The following FNDC3A variants were observed in gnomAD, a reference collection of about 807,000 sequenced individuals.
The protein encoded by FNDC3A is fibronectin type III domain containing 3A.
A neutral mutation model predicts 148.9 loss-of-function variants in FNDC3A; 32 were observed. The observed-to-expected ratio is 0.21, with a 90% CI of 0.16 to 0.29. The LOEUF is 0.29. Among genes scored for constraint, FNDC3A ranks in the 10% least tolerant of loss-of-function variants. FNDC3A has a pLI of 1.00. For missense variants in FNDC3A, 1,191 were observed against 1,452.8 expected (o/e 0.82, Z 2.93); for synonymous variants, 472 against 473.6 (o/e 1.00, Z 0.04).
chr13:48,983,933 A>G (rs1394481043), intron 1 of FNDC3A, among the ~76,000 whole-genome samples: 3 of 152,202 alleles, frequency 2.0e-5, no homozygotes, highest in Admixed American at 1.3e-4. Flanking sequence ...TAGAGTTGAT[A>G]TGACTGCTTA....
At chr13:49,187,343 ATTTT>A in intron 16 of FNDC3A, 153 bp downstream of exon 16, 1 of 668,702 alleles carries the variant, frequency 1.5e-6, no homozygotes, top group Non-Finnish European at 2.3e-6. Context: ...GTTGTCCTGG[ATTTT>A]TTTTTTTTAA....
intron 8 of FNDC3A, among the ~76,000 whole-genome samples, chr13:49,154,950 A>G (rs1343610912): frequency 7.9e-5 from 7 of 88,242 alleles, no homozygotes; most frequent in Non-Finnish European, 1.1e-4. Flanking sequence ...TTGCATCAAT[A>G]TTCATCAAGG....
intron 2 of FNDC3A, among the ~76,000 whole-genome samples, chr13:49,028,340 A>G (rs945115089): frequency 6.6e-6 from 1 of 152,040 alleles, no homozygotes; most frequent in East Asian, 1.9e-4. Flanking sequence ...CCCTGAGCTC[A>G]AGTGATTCTC....
At chr13:49,179,487 GT>G (rs1440976328) in intron 14 of FNDC3A, among the ~76,000 whole-genome samples, 3 of 152,070 alleles carry the variant, frequency 2.0e-5, no homozygotes, top group Non-Finnish European at 2.9e-5. Context: ...TTCATCCATA[GT>G]TTTAACACCC....
At chr13:49,035,334 A>AGTG (rs1874417188) in intron 2 of FNDC3A, among the ~76,000 whole-genome samples, 3 of 152,052 alleles carry the variant, frequency 2.0e-5, no homozygotes, top group Admixed American at 6.5e-5. Flanking sequence ...CTGTATATAC[A>AGTG]TATATGCAGA....
chr13:49,027,697 CAAA>C (rs1451001607), intron 2 of FNDC3A, among the ~76,000 whole-genome samples: 1 of 151,224 alleles, frequency 6.6e-6, no homozygotes, highest in African/African-American at 2.4e-5. Flanking sequence ...AAAAATAACT[CAAA>C]AGAATATTGT....
chr13:49,140,202 G>A (rs968249034), intron 7 of FNDC3A, among the ~76,000 whole-genome samples: 3 of 152,158 alleles, frequency 2.0e-5, no homozygotes, highest in Non-Finnish European at 2.9e-5. Flanking sequence ...AGACCAAGGG[G>A]GCACACACCT....
intron 1 of FNDC3A, among the ~76,000 whole-genome samples, chr13:48,991,518 C>T (rs1027051977): frequency 6.6e-6 from 1 of 151,716 alleles, no homozygotes; most frequent in East Asian, 1.9e-4. Context: ...GAAACTACGT[C>T]TCTACAAAAA....
At chr13:49,159,262 T>C (rs1883931278) in intron 8 of FNDC3A, among the ~76,000 whole-genome samples, 1 of 152,228 alleles carries the variant, frequency 6.6e-6, no homozygotes, top group East Asian at 1.9e-4. Flanking sequence ...GCATGGAATG[T>C]TCTTCCATTT....
Position 49,046,967 on chromosome 13 carries a change from A to G in FNDC3A, c.100-28322A>G, listed in dbSNP as rs1473590424. 2.0e-5 allele frequency among the ~76,000 whole-genome samples: 3 copies of G among 152,052 alleles called. No individual in the cohort carries two copies. The East Asian group carries it at 5.8e-4, about 29-fold the overall frequency. ...TGCACCCATCATCCGAGCAGTGTACACTGTACCCAATGTGTAGTCTTTTAT... is the reference window on the plus strand; with the variant it reads ...TGCACCCATCATCCGAGCAGTGTACGCTGTACCCAATGTGTAGTCTTTTAT... On this transcript the variant is annotated intron_variant, in intron 2 of 25. Transcript: ENST00000492622.
At chr13:48,988,397 T>C (rs1951845924) in intron 1 of FNDC3A, among the ~76,000 whole-genome samples, 1 of 152,208 alleles carries the variant, frequency 6.6e-6, no homozygotes, top group African/African-American at 2.4e-5. Flanking sequence ...GGAATGTTCA[T>C]GAATACACCT....
At chr13:49,102,868 A>G (rs1879950760) in intron 3 of FNDC3A, among the ~76,000 whole-genome samples, 1 of 152,170 alleles carries the variant, frequency 6.6e-6, no homozygotes, top group Admixed American at 6.5e-5. Context: ...ATATTATCTC[A>G]GATATTTTGC....
At chr13:49,128,673 G>A (rs959336735) in intron 4 of FNDC3A, among the ~76,000 whole-genome samples, 2 of 152,082 alleles carry the variant, frequency 1.3e-5, no homozygotes, top group African/African-American at 2.4e-5. Flanking sequence ...AGCCTGTGTC[G>A]TGGTGCCTGA....
chr13:49,114,779 A>C (rs1385133198), intron 4 of FNDC3A, 48 bp downstream of exon 4: 1 of 1,227,718 alleles, frequency 8.1e-7, no homozygotes, highest in Admixed American at 1.7e-5. Context: ...AATAGTGATA[A>C]TGTTATTCTC....
At chr13:49,036,054 A>G (rs1490997945) in intron 2 of FNDC3A, among the ~76,000 whole-genome samples, 1 of 152,140 alleles carries the variant, frequency 6.6e-6, no homozygotes, top group Non-Finnish European at 1.5e-5. Flanking sequence ...AGTTAATTTA[A>G]TAGCACTTTA....
At chr13:49,063,062 G>A (rs1877006350) in intron 2 of FNDC3A, among the ~76,000 whole-genome samples, 1 of 152,070 alleles carries the variant, frequency 6.6e-6, no homozygotes, top group South Asian at 2.1e-4. Flanking sequence ...TTTTGTTACA[G>A]AAATTATTAG....
At chr13:49,080,052 C>T (rs894345447) in intron 3 of FNDC3A, among the ~76,000 whole-genome samples, 1 of 152,192 alleles carries the variant, frequency 6.6e-6, no homozygotes, top group Non-Finnish European at 1.5e-5. Context: ...CCATCTCAGC[C>T]TCCCAAAGCA....
intron 8 of FNDC3A, among the ~76,000 whole-genome samples, chr13:49,161,673 A>G (rs139610696): frequency 6.5e-4 from 99 of 152,228 alleles, no homozygotes; most frequent in African/African-American, 2.0e-3. Flanking sequence ...TATTTTGCCC[A>G]TTAGTTGATG....
At chr13:49,117,742 G>A (rs1055192334) in intron 4 of FNDC3A, among the ~76,000 whole-genome samples, 4 of 152,112 alleles carry the variant, frequency 2.6e-5, no homozygotes, top group African/African-American at 9.7e-5. Context: ...TACACCCGAG[G>A]GTGTTGTAGG....
Sources: gnomAD v4.1 joint callset for allele counts (sites outside exome capture counted in the v4.1 genomes callset) on GRCh38, gnomAD v4.1.1 for gene constraint, MANE v1.5 for transcripts, NCBI Gene and HGNC (gene_info 2026-07-23, HGNC 2026-07-21) for gene names.